Variants in RANBP17 observed in about 807,000 individuals in gnomAD.
RANBP17 encodes ran-binding protein 17.
RANBP17 carries 158 observed loss-of-function variants against 141.2 expected under a neutral mutation model. The observed-to-expected ratio is 1.12, with a 90% confidence interval of 0.98 to 1.28. RANBP17 has a LOEUF of 1.28. Ranked by LOEUF, RANBP17 falls within the 50% of genes most tolerant of loss-of-function variation. The pLI is 0.00. For synonymous variants in RANBP17, 430 were observed against 450.0 expected (o/e 0.96, Z 0.56); for missense variants, 1,438 against 1,290.7 (o/e 1.11, Z -1.75).
At chr5:170,925,236 A>G (rs1317995424) in intron 12 of RANBP17, among the ~76,000 whole-genome samples, 1 of 152,114 alleles carries the variant, frequency 6.6e-6, no homozygotes, top group Non-Finnish European at 1.5e-5. Context: ...ACTTCCAGTG[A>G]TTTCCCATTT....
chr5:170,907,005 T>C (rs1337400094), intron 5 of RANBP17, among the ~76,000 whole-genome samples: 2 of 151,986 alleles, frequency 1.3e-5, no homozygotes, highest in South Asian at 2.1e-4. Flanking sequence ...CTAGCATTTA[T>C]TAAGCATTTC....
rs531425367 is a variant in RANBP17 at position 171,221,223 on chromosome 5, T to G, written c.2340-535T>G. ...GAGATTTGTTTCTCTTTACTGAAGTTGTATGCAGTGGAAACTGTAATGTGT... is the reference window on the plus strand; with the variant it reads ...GAGATTTGTTTCTCTTTACTGAAGTGGTATGCAGTGGAAACTGTAATGTGT... On this transcript the variant is annotated intron_variant, in intron 21 of 27. Transcript: ENST00000523189. 2.0e-5 allele frequency among the ~76,000 whole-genome samples: 3 copies of G among 152,356 alleles called. No individual in the cohort carries two copies. The East Asian group carries it at 5.8e-4, about 29-fold the overall frequency.
chr5:171,005,832 T>G (rs915218952), intron 14 of RANBP17, among the ~76,000 whole-genome samples: 2 of 152,152 alleles, frequency 1.3e-5, no homozygotes, highest in Non-Finnish European at 2.9e-5. Context: ...GGAAAATTTT[T>G]GCAATCTACT....
intron 14 of RANBP17, among the ~76,000 whole-genome samples, chr5:171,077,120 A>G (rs757874925): frequency 1.3e-5 from 2 of 152,130 alleles, no homozygotes; most frequent in Non-Finnish European, 2.9e-5. Flanking sequence ...CAGGTGGATC[A>G]TGAGGTCAGA....
At chr5:171,272,498 C>T (rs772424368) in intron 25 of RANBP17, among the ~76,000 whole-genome samples, 36 of 151,998 alleles carry the variant, frequency 2.4e-4, no homozygotes, top group Non-Finnish European at 4.3e-4. Context: ...TACCATTTTA[C>T]AGATATAGAA....
intron 14 of RANBP17, among the ~76,000 whole-genome samples, chr5:171,068,569 T>TTTGTTGTTGTTG (rs35125398): frequency 1.0e-3 from 151 of 149,044 alleles, no homozygotes; most frequent in South Asian, 2.4e-3. Flanking sequence ...TTACTTTCCT[T>TTTGTTGTTGTTG]TTGTTGTTGT....
At chr5:171,078,952 A>G (rs1011847464) in intron 14 of RANBP17, among the ~76,000 whole-genome samples, 5 of 152,182 alleles carry the variant, frequency 3.3e-5, no homozygotes, top group African/African-American at 9.7e-5. Flanking sequence ...TGATAAATAC[A>G]TTTCATAAGA....
intron 25 of RANBP17, among the ~76,000 whole-genome samples, chr5:171,276,289 G>T (rs560619822): frequency 6.6e-6 from 1 of 152,242 alleles, no homozygotes; most frequent in African/African-American, 2.4e-5. Context: ...TTTGAGTAAT[G>T]AATATTAAAT....
chr5:171,057,360 A>G (rs1783461495), intron 14 of RANBP17, among the ~76,000 whole-genome samples: 2 of 152,126 alleles, frequency 1.3e-5, no homozygotes, highest in Non-Finnish European at 2.9e-5. Context: ...ATTTTGTACA[A>G]TAAAGTTAGC....
intron 14 of RANBP17, among the ~76,000 whole-genome samples, chr5:171,154,117 TTTA>T (rs1758689814): frequency 6.6e-6 from 1 of 151,270 alleles, no homozygotes; most frequent in Admixed American, 6.6e-5. Flanking sequence ...TTTTTTTTTT[TTTA>T]ACCAAATTAA....
At chr5:171,033,804 T>A (rs930914876) in intron 14 of RANBP17, among the ~76,000 whole-genome samples, 1 of 152,106 alleles carries the variant, frequency 6.6e-6, no homozygotes, top group African/African-American at 2.4e-5. Context: ...GGTACTGACT[T>A]TGGAGATAAG....
At chr5:171,134,414 T>G (rs1288584353) in intron 14 of RANBP17, among the ~76,000 whole-genome samples, 2 of 152,200 alleles carry the variant, frequency 1.3e-5, no homozygotes, top group Non-Finnish European at 2.9e-5. Flanking sequence ...ATTGAAATAA[T>G]CAGATTATAT....
chr5:171,281,206 A>G (rs1199671183), intron 25 of RANBP17, among the ~76,000 whole-genome samples: 5 of 152,224 alleles, frequency 3.3e-5, no homozygotes, highest in Admixed American at 2.6e-4. Context: ...ACATTTGAGT[A>G]TATGCTTCGT....
At chr5:171,119,588 T>C (rs559121353) in intron 14 of RANBP17, among the ~76,000 whole-genome samples, 3 of 152,186 alleles carry the variant, frequency 2.0e-5, no homozygotes, top group Non-Finnish European at 4.4e-5. Flanking sequence ...AGGAAAGTCT[T>C]TTGATTTTTC....
chr5:171,213,547 T>TTGTG lies in RANBP17; in HGVS notation c.2232-76_2232-73dup, dbSNP rs201863074. On this transcript the variant is annotated intron_variant, in intron 20 of 27. Transcript: ENST00000523189. ...ATATAGAACAAATGTGGATTCCCTT[T>TTGTG]TGTGTGTGTGTATGTGTGTGGCACT... The TTGTG allele has an allele frequency of 1.5e-3, 1,326 of 892,432 alleles. 9 individuals carry two copies. The African/African-American group carries it at 0.019, about 13-fold the overall frequency. 55.3% of individuals were successfully genotyped at this position (892,432 alleles called of 1,614,324 possible).
chr5:170,890,517 T>C (rs951329666), intron 3 of RANBP17, among the ~76,000 whole-genome samples: 1 of 152,178 alleles, frequency 6.6e-6, no homozygotes, highest in Admixed American at 6.5e-5. Flanking sequence ...ACTACAATTA[T>C]CAAGAATGCT....
At chr5:171,125,720 T>C (rs1306553177) in intron 14 of RANBP17, among the ~76,000 whole-genome samples, 1 of 152,252 alleles carries the variant, frequency 6.6e-6, no homozygotes, top group Non-Finnish European at 1.5e-5. Flanking sequence ...AAGTATATGT[T>C]CTTTTTATCA....
chr5:171,241,307 T>C (rs1169885931), intron 23 of RANBP17, among the ~76,000 whole-genome samples, 165 bp downstream of exon 23: 1 of 151,026 alleles, frequency 6.6e-6, no homozygotes, highest in East Asian at 1.9e-4. Flanking sequence ...ATAGTGGCTT[T>C]TTTTTTTTTT....
chr5:171,136,614 A>G (rs1160003025), intron 14 of RANBP17, among the ~76,000 whole-genome samples: 1 of 152,166 alleles, frequency 6.6e-6, no homozygotes, highest in African/African-American at 2.4e-5. Flanking sequence ...ACTCTTTAAA[A>G]GCAAGACTCA....
Sources: allele counts gnomAD v4.1 joint callset (sites outside exome capture counted in the v4.1 genomes callset), GRCh38; gene constraint gnomAD v4.1.1; transcripts MANE v1.5; gene names NCBI Gene and HGNC (gene_info 2026-07-23, HGNC 2026-07-21).